NID1: variants seen among roughly 807,000 people sequenced by gnomAD.
NID1 encodes the protein nidogen-1.
Under a neutral mutation model 130.6 loss-of-function variants are expected in NID1, and 76 were observed. That is an observed-to-expected ratio of 0.58 (90% CI 0.48 to 0.70). NID1 has a LOEUF of 0.70. Among genes scored for constraint, NID1 ranks in the 30% least tolerant of loss-of-function variants. The pLI is 0.00. For synonymous variants in NID1, 665 were observed against 675.1 expected (o/e 0.98, Z 0.23); for missense variants, 1,517 against 1,664.8 (o/e 0.91, Z 1.54).
intron 12 of NID1, among the ~76,000 whole-genome samples, chr1:235,997,211 T>G (rs1247050165): frequency 6.6e-6 from 1 of 152,190 alleles, no homozygotes; most frequent in Non-Finnish European, 1.5e-5. Flanking sequence ...CTTCTCCTGT[T>G]AAGAGGAAGA....
In NID1 at chr1:236,064,655, CG is replaced by C. The variant is rs1440363905; in HGVS notation, c.225+199del. On this transcript the variant is annotated intron_variant, in intron 1 of 19. Coordinates refer to ENST00000264187, the MANE Select transcript of NID1 (RefSeq NM_002508.3). ...GCGGAGCCACCCAGACCCCGCGACC[CG>C]CTCTTCGGATAGCAGGGACCGGGTC... The C allele has an allele frequency of 2.4e-5, 15 of 625,566 alleles. No homozygotes were observed. The East Asian group carries it at 5.4e-4, about 22-fold the overall frequency. The allele number at this position is 625,566 out of a possible 1,614,324, so 38.8% of individuals were successfully genotyped here. A position where few individuals can be genotyped will look rare whatever the true frequency, so the allele number is the denominator to read the frequency against.
rs1208741070 is a variant in NID1, at chr1:236,041,971, C to T, written c.1074G>A (p.Glu358=). ...CCTGAGGGTGCTGCTGGTGAAAAGT[C>T]TCCACTGCCAACTGGAAAGACCTGG... ...ERTRSFQLAV[E]TFHQQHPQVI... Residue 358 remains glutamate (E), a synonymous_variant, in exon 4 of 20, where the codon GAG becomes GAA. Coordinates refer to ENST00000264187, the MANE Select transcript of NID1 (RefSeq NM_002508.3). The T allele has an allele frequency of 1.2e-6, 2 of 1,614,014 alleles. No homozygotes were observed. The highest frequency in any genetic ancestry group is 1.7e-6 in the Non-Finnish European group (2 of 1,180,038).
At position 235,980,577 on chromosome 1, in the gene NID1, T is replaced by A; in HGVS notation, c.3304A>T (p.Ile1102Phe). ...AAGCCCAGGTCATCCTGCACAAGGA[T>A]CCTCCGGTTCGTGCCGTCCATGTAG... ...TSYMDGTNRRILVQDDLGLPN... is the reference protein window; with the variant it reads ...TSYMDGTNRRFLVQDDLGLPN... The change falls in exon 17 of 20, where the codon ATC becomes TTC. Residue 1102 changes from isoleucine (I) to phenylalanine (F), a missense_variant. Transcript: ENST00000264187. 2 of 1,614,160 alleles carry A rather than the reference T, an allele frequency of 1.2e-6. No homozygotes were observed. Among genetic ancestry groups the A allele is most frequent in the Non-Finnish European group, 1.7e-6 (2 of 1,180,032 alleles).
chr1:235,996,387 G>A (rs1657921237), intron 12 of NID1, among the ~76,000 whole-genome samples: 1 of 152,110 alleles, frequency 6.6e-6, no homozygotes, highest in Admixed American at 6.5e-5. Context: ...ATGCCTAGGT[G>A]CTTTTTTAAA....
intron 1 of NID1, among the ~76,000 whole-genome samples, chr1:236,049,906 C>A (rs1050028285): frequency 6.6e-6 from 1 of 151,792 alleles, no homozygotes; most frequent in Non-Finnish European, 1.5e-5. Context: ...GGCGTGATGG[C>A]GGGCACCAAA....
chr1:236,017,572 G>A (rs962766487), intron 9 of NID1, among the ~76,000 whole-genome samples: 1 of 151,888 alleles, frequency 6.6e-6, no homozygotes, highest in Non-Finnish European at 1.5e-5. Flanking sequence ...TTTTAGTAGA[G>A]ATGAGGTTTC....
Position 235,977,807 on chromosome 1 carries a change from G to A in NID1, c.*60C>T, listed in dbSNP as rs1657310286. On this transcript the variant is annotated 3_prime_UTR_variant, in exon 20 of 20. Coordinates refer to ENST00000264187, the MANE Select transcript of NID1 (RefSeq NM_002508.3). ...GAGGACACTTTTCAATCTGGACCAA[G>A]TTGCTTCAAGTAGAGTGTTGCTGTG... The A allele has an allele frequency of 1.3e-6, 2 of 1,588,820 alleles. No individual in the cohort carries two copies. Among genetic ancestry groups the A allele is most frequent in the Non-Finnish European group, 8.6e-7 (1 of 1,162,814 alleles).
At chr1:236,057,423 TTCCC>T (rs1212510831) in intron 1 of NID1, among the ~76,000 whole-genome samples, 2 of 152,010 alleles carry the variant, frequency 1.3e-5, no homozygotes, top group Non-Finnish European at 2.9e-5. Flanking sequence ...GGATCTATGA[TTCCC>T]TCCTTCTTGA....
intron 1 of NID1, chr1:236,064,609 C>T (rs888726118): frequency 3.9e-6 from 2 of 511,290 alleles, no homozygotes; most frequent in Non-Finnish European, 7.1e-6. Context: ...CCATGGGTGC[C>T]GGGGTCACGG....
intron 13 of NID1, 52 bp downstream of exon 13, chr1:235,993,593 C>T (rs1657827228): frequency 1.4e-6 from 2 of 1,430,302 alleles, no homozygotes; most frequent in Non-Finnish European, 1.9e-6. Context: ...CAATTCCGGT[C>T]CCCCGAGGTC....
intron 7 of NID1, among the ~76,000 whole-genome samples, chr1:236,028,342 C>T (rs1022705772): frequency 6.6e-6 from 1 of 152,168 alleles, no homozygotes; most frequent in Non-Finnish European, 1.5e-5. Context: ...AAAACCCCAT[C>T]TGTACAAAAA....
intron 14 of NID1, among the ~76,000 whole-genome samples, chr1:235,988,180 T>C (rs1158890339): frequency 6.6e-6 from 1 of 151,960 alleles, no homozygotes; most frequent in East Asian, 1.9e-4. Flanking sequence ...TATAAAGAAT[T>C]CCCACAACTC....
At chr1:236,017,781 C>T (rs193150634) in intron 9 of NID1, among the ~76,000 whole-genome samples, 88 of 152,300 alleles carry the variant, frequency 5.8e-4, no homozygotes, top group East Asian at 4.6e-3. Context: ...CCTAAGGAAA[C>T]GTGTGCTTCC....
Position 235,977,768 on chromosome 1 carries a change from TG to T in NID1, c.*98del. 1.4e-6 allele frequency: 2 copies of T among 1,409,402 alleles called. No homozygotes were observed. Among genetic ancestry groups the T allele is most frequent in the Non-Finnish European group, 2.0e-6 (2 of 1,017,512 alleles). 87.3% of individuals were successfully genotyped at this position (1,409,402 alleles called of 1,614,324 possible). A position where few individuals can be genotyped will look rare whatever the true frequency, so the allele number is the denominator to read the frequency against. On this transcript the variant is annotated 3_prime_UTR_variant, in exon 20 of 20. Transcript: ENST00000264187. ...CAGGCTGGGCTGGGTCTGGGCCTAG[TG>T]GCCACTCAGCCAGAGGACACTTTTC...
intron 12 of NID1, 72 bp from the exon 13 acceptor site, chr1:235,993,944 G>A: frequency 6.9e-7 from 1 of 1,441,868 alleles, no homozygotes; most frequent in Non-Finnish European, 9.5e-7. Context: ...GGGGCTGCAG[G>A]AGTCCCCGCA....
chr1:236,049,611 A>G (rs1659704339), intron 1 of NID1, among the ~76,000 whole-genome samples: 1 of 152,210 alleles, frequency 6.6e-6, no homozygotes, highest in Non-Finnish European at 1.5e-5. Flanking sequence ...CAAGAAGCAA[A>G]TCTGTATGGG....
chr1:236,001,194 C>T (rs1658066605), intron 12 of NID1, among the ~76,000 whole-genome samples: 1 of 151,756 alleles, frequency 6.6e-6, no homozygotes, highest in African/African-American at 2.4e-5. Context: ...CAACCTCTGC[C>T]TCCCGGGTTC....
rs1045613123 is a variant in NID1, at chr1:235,979,367, C to A, written c.3510-260G>T. Among the ~76,000 whole-genome samples the A allele has an allele frequency of 2.6e-5, 4 of 152,162 alleles. No homozygotes were observed. Among genetic ancestry groups the A allele is most frequent in the African/African-American group, 9.7e-5 (4 of 41,434 alleles). ...AGGAAATGAGCTTTCTAGACAGATG[C>A]CCCTGGCCAGTTGTCTTCTCAGTTT... is the stretch of plus-strand genomic sequence containing the variant. On this transcript the variant is annotated intron_variant, in intron 18 of 19. Coordinates refer to ENST00000264187, the MANE Select transcript of NID1 (RefSeq NM_002508.3). The surrounding 1 kb of genome is among the most constrained non-coding windows in gnomAD (Gnocchi z 4.6).
At chr1:236,023,171 G>A (rs776791771) in intron 9 of NID1, among the ~76,000 whole-genome samples, 6 of 152,060 alleles carry the variant, frequency 3.9e-5, no homozygotes, top group Admixed American at 6.6e-5. Flanking sequence ...GCATACCCAC[G>A]TTCATAACAG....
Sources: allele counts gnomAD v4.1 joint callset (sites outside exome capture counted in the v4.1 genomes callset), GRCh38; gene constraint gnomAD v4.1.1; non-coding constraint Gnocchi (gnomAD v3.1); transcripts MANE v1.5; gene names NCBI Gene and HGNC (gene_info 2026-07-23, HGNC 2026-07-21).